The following CUX2 variants were observed in gnomAD, a reference collection of about 807,000 sequenced individuals.
CUX2 encodes homeobox protein cut-like 2.
Under a neutral mutation model 144.8 loss-of-function variants are expected in CUX2, and 40 were observed. The ratio of observed to expected loss-of-function variants is 0.28; its 90% CI spans 0.21 to 0.36. CUX2 has a LOEUF of 0.36. Among genes scored for constraint, CUX2 ranks in the 10% least tolerant of loss-of-function variants. The pLI, the probability that CUX2 is intolerant of heterozygous loss-of-function variation, is 1.00. For missense variants in CUX2, 1,615 were observed against 1,994.0 expected (o/e 0.81, Z 3.62); for synonymous variants, 827 against 875.6 (o/e 0.94, Z 0.98).
chr12:111,330,206 G>C (rs974190643), intron 18 of CUX2, among the ~76,000 whole-genome samples: 2 of 152,120 alleles, frequency 1.3e-5, no homozygotes, highest in Non-Finnish European at 2.9e-5. Flanking sequence ...CTGCTACTTC[G>C]AACTCGGGGG....
chr12:111,322,361 G>T lies in CUX2; in HGVS notation c.2767-60G>T. The T allele has an allele frequency of 1.4e-4, 162 of 1,193,952 alleles. No individual in the cohort carries two copies. Among genetic ancestry groups the T allele is most frequent in the Non-Finnish European group, 1.8e-4 (155 of 865,382 alleles). The allele number at this position is 1,193,952 out of a possible 1,614,324, so 74.0% of individuals were successfully genotyped here. On this transcript the variant is annotated intron_variant, in intron 17 of 21. Transcript: ENST00000261726. This position sits in a 1 kb window ranked among gnomAD's most constrained non-coding sequence, Gnocchi z 4.2. ...AAAAAAAAAGGTTGGGGAGGAGAGT[G>T]AGGGCCAGGCCCATGTCCCAGGGGC...
chr12:111,296,724 C>T, intron 8 of CUX2, among the ~76,000 whole-genome samples, 185 bp downstream of exon 8: 1 of 134,750 alleles, frequency 7.4e-6, no homozygotes, highest in Non-Finnish European at 1.6e-5. Flanking sequence ...TCTGGCCCTC[C>T]CAGAGAGGCC....
intron 1 of CUX2, among the ~76,000 whole-genome samples, chr12:111,175,056 A>G (rs1469931033): frequency 6.6e-6 from 1 of 152,198 alleles, no homozygotes; most frequent in African/African-American, 2.4e-5. Flanking sequence ...CCGTACAGGG[A>G]TGCAGCATCT....
rs753271351 is a variant in CUX2, at chr12:111,291,572, G to A, written c.436+20G>A. 2.3e-5 allele frequency: 37 copies of A among 1,578,822 alleles called. No individual in the cohort carries two copies. Among genetic ancestry groups the A allele is most frequent in the South Asian group, 1.9e-4 (16 of 83,984 alleles). On this transcript the variant is annotated intron_variant, in intron 5 of 21. Coordinates refer to ENST00000261726, the MANE Select transcript of CUX2 (RefSeq NM_015267.4). ...CCAAAGGTACTGATAAGGCCTTCTCGGAGCGTCTACAATAAACAACCAGGC... is the reference window on the plus strand; with the variant it reads ...CCAAAGGTACTGATAAGGCCTTCTCAGAGCGTCTACAATAAACAACCAGGC...
chr12:111,297,162 A>G (rs1592932994), intron 8 of CUX2, among the ~76,000 whole-genome samples: 3 of 128,640 alleles, frequency 2.3e-5, no homozygotes, highest in African/African-American at 6.0e-5. Context: ...TCTCCCTCTG[A>G]CCCTCCCAGA....
chr12:111,146,241 A>T (rs1261747778), intron 1 of CUX2, among the ~76,000 whole-genome samples: 1 of 152,184 alleles, frequency 6.6e-6, no homozygotes, highest in Admixed American at 6.5e-5. Context: ...GGTGGTGTAC[A>T]TGCTATGGGT....
intron 18 of CUX2, among the ~76,000 whole-genome samples, chr12:111,330,726 T>C (rs200202780): frequency 0.039 from 2,169 of 55,830 alleles, 293 homozygotes; most frequent in South Asian, 0.17. Context: ...TATATATATA[T>C]ATATATATAT....
intron 9 of CUX2, among the ~76,000 whole-genome samples, chr12:111,302,116 T>A (rs1886321740): frequency 6.6e-6 from 1 of 152,208 alleles, no homozygotes; most frequent in Non-Finnish European, 1.5e-5. Context: ...AAATAAATAA[T>A]AAATTCAAAT....
chr12:111,296,174 G>T (rs547216995), intron 7 of CUX2, among the ~76,000 whole-genome samples: 1 of 152,144 alleles, frequency 6.6e-6, no homozygotes, highest in African/African-American at 2.4e-5. Flanking sequence ...ACAGCACCAC[G>T]CCTCCACCCC....
In CUX2 at chr12:111,291,452, A is replaced by G. The variant is rs1156881743; in HGVS notation, c.336A>G (p.Leu112=). 1.2e-6 allele frequency: 2 copies of G among 1,612,744 alleles called. No individual in the cohort carries two copies. The highest frequency in any genetic ancestry group is 1.1e-5 in the South Asian group (1 of 90,618). The change falls in exon 5 of 22, where the codon CTA becomes CTG. Residue 112 remains leucine, a synonymous_variant. Transcript: ENST00000261726. ...PVPVFEAARS[L]DDRLQPPSFD... is the part of the protein sequence containing the mutation. Reference sequence around the variant, plus strand: ...CTGTGTTTGAGGCGGCACGCAGCCTAGACGACAGACTGCAGCCCCCCAGCT... The same window carrying G: ...CTGTGTTTGAGGCGGCACGCAGCCTGGACGACAGACTGCAGCCCCCCAGCT...
At chr12:111,161,677 A>G (rs1414779041) in intron 1 of CUX2, among the ~76,000 whole-genome samples, 1 of 152,234 alleles carries the variant, frequency 6.6e-6, no homozygotes, top group Non-Finnish European at 1.5e-5. Context: ...GTTCAACTGC[A>G]AAACCCGTTC....
Position 111,186,565 on chromosome 12 carries a change from A to G in CUX2, c.64-27635A>G, listed in dbSNP as rs1001895299. Among the ~76,000 whole-genome samples the G allele has an allele frequency of 6.6e-6, 1 of 152,074 alleles. No homozygotes were observed. The highest frequency in any genetic ancestry group is 1.5e-5 in the Non-Finnish European group (1 of 68,002). ...CACCAGGACCCATGGTTGCTGAGAG[A>G]GAGAAGGGCGACTCTGTGGCGTGAG... is the stretch of plus-strand genomic sequence containing the variant. On this transcript the variant is annotated intron_variant, in intron 1 of 21. Transcript: ENST00000261726. This position sits in a 1 kb window ranked among gnomAD's most constrained non-coding sequence, Gnocchi z 4.4.
intron 3 of CUX2, among the ~76,000 whole-genome samples, chr12:111,233,125 AG>A (rs752658062): frequency 4.6e-5 from 7 of 152,204 alleles, no homozygotes; most frequent in African/African-American, 7.2e-5. Flanking sequence ...AAATGCCCCA[AG>A]GCAGGAGGCA....
chr12:111,076,969 G>T (rs542116494), intron 1 of CUX2, among the ~76,000 whole-genome samples: 39 of 152,326 alleles, frequency 2.6e-4, no homozygotes, highest in African/African-American at 9.4e-4. Flanking sequence ...GCCCCTCGGG[G>T]CCCTGCTGGA....
At chr12:111,040,402 C>T (rs1333567669) in intron 1 of CUX2, among the ~76,000 whole-genome samples, 1 of 152,104 alleles carries the variant, frequency 6.6e-6, no homozygotes, top group Non-Finnish European at 1.5e-5. Flanking sequence ...CTGGCTCCCT[C>T]TCCAACCACT....
chr12:111,339,765 T>G (rs1359850172), intron 20 of CUX2: 1 of 152,184 alleles, frequency 6.6e-6, no homozygotes, highest in Non-Finnish European at 1.5e-5. Flanking sequence ...CACGCCAGAC[T>G]GTGGAGAGCA....
rs1886953250 is a variant in CUX2 at position 111,312,440 on chromosome 12, C to G, written c.2002+239C>G. ...CCTTGGCCAGGCGCAGTGGCTCATG[C>G]CTGTAATCCCAGCACTTTGGGAAGC... On this transcript the variant is annotated intron_variant, in intron 16 of 21. Coordinates refer to ENST00000261726, the MANE Select transcript of CUX2 (RefSeq NM_015267.4). The surrounding 1 kb of genome is among the most constrained non-coding windows in gnomAD (Gnocchi z 4.3). Among the ~76,000 whole-genome samples the G allele has an allele frequency of 6.6e-6, 1 of 152,182 alleles. No individual in the cohort carries two copies. Among genetic ancestry groups the G allele is most frequent in the African/African-American group, 2.4e-5 (1 of 41,456 alleles).
rs2135995671 is a variant in CUX2, at chr12:111,034,714, G to A, written c.63+474G>A. Among the ~76,000 whole-genome samples, 1 of 151,434 alleles carries A rather than the reference G, an allele frequency of 6.6e-6. No homozygotes were observed. Among genetic ancestry groups the A allele is most frequent in the Middle Eastern group, 3.4e-3 (1 of 290 alleles). The stretch of plus-strand genomic sequence containing the variant: ...GGGAGGGAGGGAGCTGGCGGGCAGG[G>A]AGGAGGAGGAGGAGAGGAGGAGGAG... On this transcript the variant is annotated intron_variant, in intron 1 of 21. Transcript: ENST00000261726. The surrounding 1 kb of genome is among the most constrained non-coding windows in gnomAD (Gnocchi z 4.2).
At chr12:111,245,843 C>T (rs1883254833) in intron 3 of CUX2, among the ~76,000 whole-genome samples, 1 of 152,044 alleles carries the variant, frequency 6.6e-6, no homozygotes, top group African/African-American at 2.4e-5. Context: ...GGCGTTTCAT[C>T]CCCAAAGCAG....
Sources: gnomAD v4.1 joint callset for allele counts (sites outside exome capture counted in the v4.1 genomes callset) on GRCh38, gnomAD v4.1.1 for gene constraint, Gnocchi (gnomAD v3.1) non-coding constraint, MANE v1.5 for transcripts, NCBI Gene and HGNC (gene_info 2026-07-23, HGNC 2026-07-21) for gene names.